Variants in ELMO2 observed in about 807,000 individuals in gnomAD.
ELMO2 encodes the protein engulfment and cell motility 2, also known as engulfment and cell motility protein 2.
In ELMO2, 37 loss-of-function variants were observed where a neutral mutation model predicts 96.2. The ratio of observed to expected loss-of-function variants is 0.38; its 90% CI spans 0.30 to 0.51. The LOEUF (loss-of-function observed/expected upper bound fraction) is 0.51. ELMO2 is among the 20% of genes least tolerant of loss of function. The pLI is 0.88. For synonymous variants in ELMO2, 315 were observed against 329.4 expected (o/e 0.96, Z 0.47); for missense variants, 561 against 912.6 (o/e 0.61, Z 4.96).
intron 6 of ELMO2, among the ~76,000 whole-genome samples, chr20:46,389,866 T>C (rs138650848): frequency 6.8e-6 from 1 of 146,208 alleles, no homozygotes; most frequent in East Asian, 2.0e-4. Flanking sequence ...AAAAAGAAAA[T>C]AAAATTGGTC....
At chr20:46,382,238 T>C (rs1274004607) in intron 10 of ELMO2, 2 of 1,289,730 alleles carry the variant, frequency 1.6e-6, no homozygotes, top group African/African-American at 1.5e-5. Flanking sequence ...TTAAGGTGCT[T>C]GTCCTGCCGG....
chr20:46,379,098 A>G (rs2059911437), intron 11 of ELMO2, among the ~76,000 whole-genome samples: 1 of 151,926 alleles, frequency 6.6e-6, no homozygotes, highest in Non-Finnish European at 1.5e-5. Context: ...GTTTCAAGCA[A>G]TTCTCCTGCC....
chr20:46,389,067 C>T lies in ELMO2; in HGVS notation c.397G>A (p.Val133Met), dbSNP rs200067535. ...MDGIIVLTRLVESGTKLLSHY... is the reference protein window; with the variant it reads ...MDGIIVLTRLMESGTKLLSHY... ...GACAAGAGCTTGGTTCCACTTTCCA[C>T]GAGCCTTGTCAGCACAATGATGCCA... The change falls in exon 7 of 22, where the codon GTG (valine) becomes ATG (methionine). Residue 133 changes from valine to methionine, a missense_variant. Physicochemically the swap from Val to Met is conservative, Grantham distance 21. Coordinates refer to ENST00000290246, the MANE Select transcript of ELMO2 (RefSeq NM_133171.5). 1.2e-5 allele frequency: 19 copies of T among 1,613,976 alleles called. No homozygotes were observed. The Admixed American group carries it at 1.7e-4, about 14-fold the overall frequency.
At chr20:46,396,623 C>A (rs779580356) in intron 2 of ELMO2, among the ~76,000 whole-genome samples, 4 of 152,116 alleles carry the variant, frequency 2.6e-5, no homozygotes, top group Non-Finnish European at 4.4e-5. Flanking sequence ...TGGAACTATA[C>A]GATATGACTT....
At chr20:46,381,913 C>T (rs780097046) in intron 10 of ELMO2, among the ~76,000 whole-genome samples, 9 of 152,228 alleles carry the variant, frequency 5.9e-5, no homozygotes, top group Non-Finnish European at 1.2e-4. Flanking sequence ...ATCAAAGTTA[C>T]GAGCTGTTTC....
chr20:46,387,628 G>A lies in ELMO2; in HGVS notation c.426-191C>T, dbSNP rs528301685. ...AGCAGATTCAGCCCAGGTATCTATC[G>A]CTGCAAAAAAAAAAAAAAAAAAAAA... On this transcript the variant is annotated intron_variant, in intron 7 of 21. Transcript: ENST00000290246. 5.1e-4 allele frequency: 68 copies of A among 134,254 alleles called. No homozygotes were observed. In the East Asian group the frequency reaches 6.0e-3, roughly 12 times the overall value. The allele number at this position is 134,254 out of a possible 1,614,324, so 8.3% of individuals were successfully genotyped here.
chr20:46,372,691 A>G (rs563364326), intron 16 of ELMO2: 11 of 152,398 alleles, frequency 7.2e-5, no homozygotes, highest in African/African-American at 2.4e-4. Flanking sequence ...TGGTGTTTTA[A>G]AAAAATGCAT....
rs2145785500 is a variant in ELMO2 at position 46,376,902 on chromosome 20, T to C, written c.808-1112A>G. The C allele has an allele frequency of 6.2e-6, 7 of 1,129,714 alleles. No homozygotes were observed. In the African/African-American group the frequency reaches 6.5e-5, roughly 11 times the overall value. 70.0% of individuals were successfully genotyped at this position (1,129,714 alleles called of 1,614,324 possible). A position where few individuals can be genotyped will look rare whatever the true frequency, so the allele number is the denominator to read the frequency against. On this transcript the variant is annotated intron_variant, in intron 11 of 21. Coordinates refer to ENST00000290246, the MANE Select transcript of ELMO2 (RefSeq NM_133171.5). ...GTTAAAACAAATTTAAGTTGAAAAT[T>C]TGGTTCCTTAGTTGCACCAGCCACA...
chr20:46,381,371 G>A (rs2059951770), intron 10 of ELMO2, among the ~76,000 whole-genome samples: 1 of 152,150 alleles, frequency 6.6e-6, no homozygotes, highest in Non-Finnish European at 1.5e-5. Context: ...GGGCCTGAGG[G>A]AGCTGTCACA....
chr20:46,374,306 A>G, intron 15 of ELMO2, 26 bp downstream of exon 15: 1 of 1,569,742 alleles, frequency 6.4e-7, no homozygotes, highest in South Asian at 1.1e-5. Flanking sequence ...GGAATGGCTG[A>G]AGAAGAGGGA....
intron 9 of ELMO2, among the ~76,000 whole-genome samples, chr20:46,385,569 A>G (rs2060026696): frequency 6.6e-6 from 1 of 152,210 alleles, no homozygotes; most frequent in Non-Finnish European, 1.5e-5. Flanking sequence ...GCAGAGACCT[A>G]GTATGCAGAA....
chr20:46,380,721 A>G (rs1172540885), intron 10 of ELMO2, among the ~76,000 whole-genome samples: 1 of 152,190 alleles, frequency 6.6e-6, no homozygotes, highest in Non-Finnish European at 1.5e-5. Flanking sequence ...CACTGACTCC[A>G]AACAAGGAAG....
Position 46,367,519 on chromosome 20 carries a change from C to T in ELMO2, c.2004G>A (p.Lys668=), listed in dbSNP as rs748938643. 3 of 1,613,304 alleles carry T rather than the reference C, an allele frequency of 1.9e-6. No individual in the cohort carries two copies. The African/African-American group carries it at 4.0e-5, about 22-fold the overall frequency. ...WIDGLSALLG[K]DMSSELTKSD... is the part of the protein sequence containing the mutation. ...TCTTGGTCAGCTCACTGGACATGTC[C>T]TTCCCCAGAAGGGCACTGAGGCCAT... Residue 668 remains lysine, a synonymous_variant, in exon 22 of 22, where the codon AAG becomes AAA. Coordinates refer to ENST00000290246, the MANE Select transcript of ELMO2 (RefSeq NM_133171.5).
chr20:46,386,554 A>G (rs543283773), intron 8 of ELMO2, among the ~76,000 whole-genome samples: 5 of 152,218 alleles, frequency 3.3e-5, no homozygotes, highest in Non-Finnish European at 4.4e-5. Context: ...AGTTTGAGAA[A>G]GTGGGGTATA....
At chr20:46,368,028 G>C (rs974401161) in intron 21 of ELMO2, among the ~76,000 whole-genome samples, 3 of 152,040 alleles carry the variant, frequency 2.0e-5, no homozygotes, top group African/African-American at 7.3e-5. Flanking sequence ...TAAAGAAATG[G>C]AACTGGTGGG....
chr20:46,385,292 G>A (rs909352474), intron 9 of ELMO2, among the ~76,000 whole-genome samples: 3 of 152,224 alleles, frequency 2.0e-5, no homozygotes, highest in Non-Finnish European at 4.4e-5. Flanking sequence ...GGTAAAAACA[G>A]CGGAGACGGG....
intron 19 of ELMO2, among the ~76,000 whole-genome samples, 200 bp from the exon 20 acceptor site, chr20:46,370,725 C>A (rs537352759): frequency 1.3e-5 from 2 of 152,268 alleles, no homozygotes; most frequent in East Asian, 3.9e-4. Context: ...CTCCTGTAGA[C>A]CACAGCCCAG....
chr20:46,397,331 A>G (rs1482183372), intron 2 of ELMO2, among the ~76,000 whole-genome samples: 1 of 152,232 alleles, frequency 6.6e-6, no homozygotes, highest in Non-Finnish European at 1.5e-5. Context: ...TAAAGTGAAT[A>G]CCCAACTTTA....
chr20:46,394,664 AG>A lies in ELMO2; in HGVS notation c.-50-133del, dbSNP rs1380656814. 4.5e-6 allele frequency: 3 copies of A among 661,504 alleles called. No homozygotes were observed. In the African/African-American group the frequency reaches 5.5e-5, roughly 12 times the overall value. The allele number at this position is 661,504 out of a possible 1,614,324, so 41.0% of individuals were successfully genotyped here. A position where few individuals can be genotyped will look rare whatever the true frequency, so the allele number is the denominator to read the frequency against. On this transcript the variant is annotated intron_variant, in intron 2 of 21. Transcript: ENST00000290246. The stretch of plus-strand genomic sequence containing the variant: ...GAAACTACCTGGTTTGAATTTTTCT[AG>A]ATCATACCACAACTTCTGCTTAGGA...
Sources: gnomAD v4.1 joint callset for allele counts (sites outside exome capture counted in the v4.1 genomes callset) on GRCh38, gnomAD v4.1.1 for gene constraint, MANE v1.5 for transcripts, NCBI Gene and HGNC (gene_info 2026-07-23, HGNC 2026-07-21) for gene names.